LHFPL2: variants seen among roughly 807,000 people sequenced by gnomAD.
LHFPL2 encodes LHFPL tetraspan subfamily member 2 protein.
Under a neutral mutation model 17.5 loss-of-function variants are expected in LHFPL2, and 7 were observed. The ratio of observed to expected loss-of-function variants is 0.40; its 90% CI spans 0.23 to 0.75. The LOEUF (loss-of-function observed/expected upper bound fraction) is 0.75, where lower values mean the gene tolerates loss of function less well. Ranked by LOEUF, LHFPL2 falls within the 30% of genes least tolerant of loss-of-function variation. The probability of loss-of-function intolerance (pLI) is 0.37; values close to 1 mark genes in which losing one functional copy is unlikely to be tolerated. For missense variants in LHFPL2, 241 were observed against 294.8 expected, an observed-to-expected ratio of 0.82 and a Z score of 1.34; for synonymous variants, 134 against 116.2, an observed-to-expected ratio of 1.15 and a Z score of -0.99.
At chr5:78,644,401 T>G (rs1036928208) in intron 1 of LHFPL2, 1 of 806,132 alleles carries the variant, frequency 1.2e-6, no homozygotes, top group Admixed American at 2.3e-5. Flanking sequence ...TATTTTTCCT[T>G]CAGCTTCACA....
At position 78,486,416 on chromosome 5, in the gene LHFPL2, A is replaced by G. The variant is rs1290011467; in HGVS notation, c.*2481T>C. ...TTAGAAAAATAAGTGTGAGCCAACAATCTATTTTTAACATTTCTTTCTAGC... is the reference window on the plus strand; with the variant it reads ...TTAGAAAAATAAGTGTGAGCCAACAGTCTATTTTTAACATTTCTTTCTAGC... On this transcript the variant is annotated 3_prime_UTR_variant, in exon 5 of 5. Transcript: ENST00000380345. 2 of 152,192 alleles carry G rather than the reference A, an allele frequency of 1.3e-5. No individual in the cohort carries two copies. Among genetic ancestry groups the G allele is most frequent in the African/African-American group, 4.8e-5 (2 of 41,450 alleles). The allele number at this position is 152,192 out of a possible 1,614,324, so 9.4% of individuals were successfully genotyped here.
intron 1 of LHFPL2, among the ~76,000 whole-genome samples, chr5:78,634,875 T>C (rs924374516): frequency 6.6e-6 from 1 of 152,202 alleles, no homozygotes; most frequent in African/African-American, 2.4e-5. Context: ...GACATTTTAT[T>C]TGTGATAAGA....
At chr5:78,499,465 C>T (rs1054479387) in intron 4 of LHFPL2, among the ~76,000 whole-genome samples, 1 of 152,170 alleles carries the variant, frequency 6.6e-6, no homozygotes, top group Non-Finnish European at 1.5e-5. Context: ...AGTTAATCAA[C>T]GGCAGGACAG....
At chr5:78,512,113 C>T (rs1014529723) in intron 3 of LHFPL2, among the ~76,000 whole-genome samples, 3 of 152,120 alleles carry the variant, frequency 2.0e-5, no homozygotes, top group Admixed American at 6.5e-5. Context: ...CCCTGCCCTC[C>T]GAAGCTTTTC....
chr5:78,584,718 A>G (rs1364301978), intron 2 of LHFPL2, among the ~76,000 whole-genome samples: 1 of 152,076 alleles, frequency 6.6e-6, no homozygotes, highest in East Asian at 1.9e-4. Context: ...AAGTCTGCAG[A>G]GGTTATTGCT....
intron 2 of LHFPL2, among the ~76,000 whole-genome samples, chr5:78,627,586 A>AT (rs1745093130): frequency 6.6e-6 from 1 of 152,164 alleles, no homozygotes; most frequent in Non-Finnish European, 1.5e-5. Context: ...TAGAATCCAG[A>AT]TTCCCCACTT....
intron 2 of LHFPL2, among the ~76,000 whole-genome samples, chr5:78,592,173 G>A (rs1350489762): frequency 1.3e-5 from 2 of 152,198 alleles, no homozygotes; most frequent in East Asian, 1.9e-4. Context: ...AGTCAAATGC[G>A]TGGCAACAGA....
At chr5:78,622,280 G>T (rs544111217) in intron 2 of LHFPL2, among the ~76,000 whole-genome samples, 2 of 152,154 alleles carry the variant, frequency 1.3e-5, no homozygotes, top group African/African-American at 4.8e-5. Flanking sequence ...GCAACAATTA[G>T]GGAGAAACTT....
intron 2 of LHFPL2, among the ~76,000 whole-genome samples, chr5:78,575,304 T>C (rs1757101139): frequency 6.6e-6 from 1 of 152,146 alleles, no homozygotes; most frequent in Non-Finnish European, 1.5e-5. Flanking sequence ...ATCCCAGCAC[T>C]TTGGGAGGCC....
intron 2 of LHFPL2, among the ~76,000 whole-genome samples, chr5:78,577,333 G>A (rs1200177987): frequency 6.6e-6 from 1 of 152,178 alleles, no homozygotes; most frequent in Non-Finnish European, 1.5e-5. Context: ...ACTTACTTAA[G>A]TGACCTAATT....
At chr5:78,503,716 C>CAA (rs1754845682) in intron 4 of LHFPL2, among the ~76,000 whole-genome samples, 1 of 151,836 alleles carries the variant, frequency 6.6e-6, no homozygotes, top group African/African-American at 2.4e-5. Context: ...AACAAACAAA[C>CAA]ACAGGTCCCC....
At chr5:78,532,694 C>T (rs559928319) in intron 3 of LHFPL2, among the ~76,000 whole-genome samples, 45 of 152,034 alleles carry the variant, frequency 3.0e-4, no homozygotes, top group Admixed American at 1.9e-3. Flanking sequence ...AAACCATCAC[C>T]GTCATTTAAA....
At chr5:78,539,774 T>G (rs892791992) in intron 3 of LHFPL2, among the ~76,000 whole-genome samples, 1 of 151,666 alleles carries the variant, frequency 6.6e-6, no homozygotes, top group Admixed American at 6.6e-5. Flanking sequence ...GCATTTTTCT[T>G]GCCCCACTAA....
intron 3 of LHFPL2, among the ~76,000 whole-genome samples, chr5:78,532,548 G>A (rs188128289): frequency 5.9e-5 from 9 of 152,100 alleles, no homozygotes; most frequent in African/African-American, 1.2e-4. Context: ...CACCTGCTTC[G>A]GGATCTCTTC....
chr5:78,642,273 T>C (rs576848104), intron 1 of LHFPL2: 1 of 152,308 alleles, frequency 6.6e-6, no homozygotes, highest in South Asian at 2.1e-4. Flanking sequence ...GGCTTCAACA[T>C]ATACATGAAT....
intron 3 of LHFPL2, among the ~76,000 whole-genome samples, chr5:78,521,168 A>C (rs1755446253): frequency 6.6e-6 from 1 of 152,240 alleles, no homozygotes; most frequent in Non-Finnish European, 1.5e-5. Flanking sequence ...AAGAGTCAGA[A>C]GTCATATCCC....
At chr5:78,558,357 G>A (rs1351476154) in intron 3 of LHFPL2, among the ~76,000 whole-genome samples, 1 of 152,142 alleles carries the variant, frequency 6.6e-6, no homozygotes, top group Non-Finnish European at 1.5e-5. Context: ...TTTAAAACTG[G>A]ATTGTTAAAA....
chr5:78,515,666 C>T (rs567719283), intron 3 of LHFPL2, among the ~76,000 whole-genome samples: 3 of 152,328 alleles, frequency 2.0e-5, no homozygotes, highest in East Asian at 3.9e-4. Flanking sequence ...ATGACAGCTA[C>T]CTGTTTTAAA....
chr5:78,578,084 A>G (rs1309331185), intron 2 of LHFPL2, among the ~76,000 whole-genome samples: 7 of 152,196 alleles, frequency 4.6e-5, no homozygotes, highest in African/African-American at 1.7e-4. Flanking sequence ...GCTTGATCTC[A>G]ACTGGCAAAC....
Sources: allele counts gnomAD v4.1 joint callset (sites outside exome capture counted in the v4.1 genomes callset), GRCh38; gene constraint gnomAD v4.1.1; transcripts MANE v1.5; gene names NCBI Gene and HGNC (gene_info 2026-07-23, HGNC 2026-07-21).